SCFD2: variants seen among roughly 807,000 people sequenced by gnomAD.
SCFD2 encodes the protein sec1 family domain-containing protein 2.
A neutral mutation model predicts 58.9 loss-of-function variants in SCFD2; 54 were observed. The ratio of observed to expected loss-of-function variants is 0.92; its 90% CI spans 0.74 to 1.15. The LOEUF (loss-of-function observed/expected upper bound fraction) is 1.15, where lower values mean the gene tolerates loss of function less well. Among genes scored for constraint, SCFD2 ranks in the 50% most tolerant of loss-of-function variants. The pLI is 0.00. For synonymous variants in SCFD2, 321 were observed against 335.9 expected (o/e 0.96, Z 0.49); for missense variants, 805 against 836.6 (o/e 0.96, Z 0.47).
intron 4 of SCFD2, among the ~76,000 whole-genome samples, chr4:53,242,345 A>C (rs898593288): frequency 6.6e-6 from 1 of 152,200 alleles, no homozygotes; most frequent in Non-Finnish European, 1.5e-5. Flanking sequence ...AAGTTAGAAC[A>C]CACAAGCTTG....
At chr4:52,916,288 G>A (rs886741543) in intron 6 of SCFD2, among the ~76,000 whole-genome samples, 6 of 152,194 alleles carry the variant, frequency 3.9e-5, no homozygotes, top group Admixed American at 6.5e-5. Context: ...GACTTTCTGC[G>A]GCCGGGCGCA....
chr4:53,050,401 G>T (rs1294077276), intron 5 of SCFD2, among the ~76,000 whole-genome samples: 2 of 152,200 alleles, frequency 1.3e-5, no homozygotes, highest in African/African-American at 4.8e-5. Flanking sequence ...AATCAAGATA[G>T]GTTGTAGAGG....
At chr4:52,882,000 G>A (rs986989584) in intron 8 of SCFD2, among the ~76,000 whole-genome samples, 3 of 152,110 alleles carry the variant, frequency 2.0e-5, no homozygotes, top group Non-Finnish European at 4.4e-5. Flanking sequence ...GATCATGTGA[G>A]CTTTGTAGGC....
At chr4:53,342,701 G>C (rs1733919839) in intron 2 of SCFD2, among the ~76,000 whole-genome samples, 1 of 152,144 alleles carries the variant, frequency 6.6e-6, no homozygotes, top group South Asian at 2.1e-4. Flanking sequence ...TGACCACAAA[G>C]TTGGAAGTAA....
intron 5 of SCFD2, among the ~76,000 whole-genome samples, chr4:53,113,714 C>T (rs1391346172): frequency 6.6e-6 from 1 of 152,022 alleles, no homozygotes; most frequent in Admixed American, 6.6e-5. Flanking sequence ...CCCTAGCACC[C>T]AGCACACTAC....
intron 4 of SCFD2, among the ~76,000 whole-genome samples, chr4:53,231,347 C>G (rs775856370): frequency 6.6e-6 from 1 of 152,078 alleles, no homozygotes; most frequent in African/African-American, 2.4e-5. Context: ...TTCAGCCTTG[C>G]TGTCAAAGCA....
At chr4:53,071,504 A>G (rs1345890221) in intron 5 of SCFD2, among the ~76,000 whole-genome samples, 1 of 152,152 alleles carries the variant, frequency 6.6e-6, no homozygotes, top group Non-Finnish European at 1.5e-5. Context: ...ATTTTTCTTC[A>G]CATCCATTAT....
At chr4:53,244,834 A>C (rs531867579) in intron 4 of SCFD2, among the ~76,000 whole-genome samples, 213 of 151,496 alleles carry the variant, frequency 1.4e-3, no homozygotes, top group Non-Finnish European at 2.8e-3. Context: ...AAAAAAAATA[A>C]TAATAATAAT....
intron 5 of SCFD2, among the ~76,000 whole-genome samples, chr4:52,988,057 A>G (rs1198675734): frequency 6.6e-6 from 1 of 152,180 alleles, no homozygotes; most frequent in Non-Finnish European, 1.5e-5. Flanking sequence ...GTGCTTCCCT[A>G]AACTCTAACC....
At chr4:53,275,474 GA>G (rs1396473637) in intron 3 of SCFD2, among the ~76,000 whole-genome samples, 1 of 152,058 alleles carries the variant, frequency 6.6e-6, no homozygotes, top group Non-Finnish European at 1.5e-5. Context: ...AGTACTCATA[GA>G]AAAAAACCTC....
intron 4 of SCFD2, among the ~76,000 whole-genome samples, chr4:53,237,474 AC>A (rs1240588447): frequency 1.6e-5 from 1 of 63,122 alleles, no homozygotes; most frequent in African/African-American, 7.8e-5. Flanking sequence ...GGGGGGGCTG[AC>A]CCCCCCACCT....
At chr4:52,899,607 T>C (rs1719128147) in intron 7 of SCFD2, among the ~76,000 whole-genome samples, 1 of 152,188 alleles carries the variant, frequency 6.6e-6, no homozygotes, top group African/African-American at 2.4e-5. Flanking sequence ...TCAACTTTGG[T>C]GAATCTGACA....
At chr4:52,974,609 G>C (rs917421512) in intron 5 of SCFD2, among the ~76,000 whole-genome samples, 2 of 152,166 alleles carry the variant, frequency 1.3e-5, no homozygotes, top group Non-Finnish European at 2.9e-5. Context: ...GTAATTTATA[G>C]ATTCAATGTC....
intron 5 of SCFD2, among the ~76,000 whole-genome samples, chr4:52,984,420 T>A (rs1560501783): frequency 6.6e-6 from 1 of 152,214 alleles, no homozygotes; most frequent in Non-Finnish European, 1.5e-5. Flanking sequence ...AACACTGCTA[T>A]GAGGATCCAA....
At chr4:53,032,728 AT>A (rs1722645065) in intron 5 of SCFD2, among the ~76,000 whole-genome samples, 1 of 152,238 alleles carries the variant, frequency 6.6e-6, no homozygotes. Context: ...AAAGAAGGGT[AT>A]TACATAACGG....
chr4:53,200,054 C>A (rs1728183003), intron 4 of SCFD2, among the ~76,000 whole-genome samples: 1 of 152,006 alleles, frequency 6.6e-6, no homozygotes, highest in African/African-American at 2.4e-5. Flanking sequence ...ACCCTCATGA[C>A]CTCATGTAAA....
intron 4 of SCFD2, among the ~76,000 whole-genome samples, chr4:53,220,849 C>G (rs1417516010): frequency 2.0e-5 from 3 of 152,138 alleles, no homozygotes; most frequent in African/African-American, 7.2e-5. Flanking sequence ...AAATGTGAAG[C>G]CCTAATTCAA....
intron 4 of SCFD2, among the ~76,000 whole-genome samples, chr4:53,238,605 G>GAT (rs1729771245): frequency 6.6e-6 from 1 of 151,670 alleles, no homozygotes; most frequent in African/African-American, 2.4e-5. Context: ...CTTCCCAGAC[G>GAT]GGGCGGCTGC....
intron 4 of SCFD2, among the ~76,000 whole-genome samples, chr4:53,214,867 A>G (rs890118079): frequency 2.6e-5 from 4 of 152,186 alleles, no homozygotes; most frequent in African/African-American, 9.7e-5. Context: ...AGCTCTCTAC[A>G]TATGGCTAGC....
Sources: allele counts gnomAD v4.1 joint callset (sites outside exome capture counted in the v4.1 genomes callset), GRCh38; gene constraint gnomAD v4.1.1; transcripts MANE v1.5; gene names NCBI Gene and HGNC (gene_info 2026-07-23, HGNC 2026-07-21).